EXOC6: variants seen among roughly 807,000 people sequenced by gnomAD.
EXOC6 encodes SEC15-like 1.
A neutral mutation model predicts 112.5 loss-of-function variants in EXOC6; 60 were observed. The observed-to-expected ratio is 0.53, with a 90% CI of 0.43 to 0.66. The LOEUF is 0.66. Ranked by LOEUF, EXOC6 falls within the 30% of genes least tolerant of loss-of-function variation. The pLI is 0.00. For missense variants in EXOC6, 855 were observed against 957.1 expected, an observed-to-expected ratio of 0.89 and a Z score of 1.41; for synonymous variants, 295 against 308.0, an observed-to-expected ratio of 0.96 and a Z score of 0.44.
intron 17 of EXOC6, 150 bp from the exon 18 acceptor site, chr10:92,973,903 C>A: frequency 4.9e-6 from 3 of 615,704 alleles, no homozygotes; most frequent in Admixed American, 3.7e-5. Context: ...TAGAGTACTG[C>A]CAGAAAAAAA....
intron 18 of EXOC6, among the ~76,000 whole-genome samples, chr10:92,987,289 G>A (rs895546398): frequency 2.0e-5 from 3 of 152,080 alleles, no homozygotes; most frequent in African/African-American, 7.2e-5. Context: ...GAACTGATGT[G>A]TTCTAAATTT....
chr10:92,831,356 C>T (rs1261695712), upstream of EXOC6: 1 of 1,287,604 alleles, frequency 7.8e-7, no homozygotes, highest in Non-Finnish European at 1.0e-6. Context: ...CATGCAGTGA[C>T]AGTAAGTCAA....
intron 18 of EXOC6, among the ~76,000 whole-genome samples, chr10:92,981,626 T>G (rs1490746744): frequency 6.6e-6 from 1 of 152,214 alleles, no homozygotes. Context: ...TGTTTTGTCT[T>G]TAAGTATAAT....
intron 4 of EXOC6, 150 bp from the exon 5 acceptor site, chr10:92,899,449 A>AT (rs1850033788): frequency 1.8e-6 from 1 of 569,406 alleles, no homozygotes; most frequent in Non-Finnish European, 3.1e-6. Context: ...TACTTGAAGT[A>AT]TTTAACATTT....
chr10:92,941,591 A>G (rs1239908482), intron 13 of EXOC6, among the ~76,000 whole-genome samples: 2 of 152,300 alleles, frequency 1.3e-5, no homozygotes, highest in African/African-American at 4.8e-5. Flanking sequence ...TTTTCCTAGT[A>G]AATGATTAAA....
intron 1 of EXOC6, among the ~76,000 whole-genome samples, chr10:92,880,835 G>A (rs1378179380): frequency 1.3e-5 from 2 of 152,078 alleles, no homozygotes; most frequent in South Asian, 4.1e-4. Flanking sequence ...CACCAAAAAG[G>A]ACTAGTGCCA....
intron 18 of EXOC6, among the ~76,000 whole-genome samples, chr10:92,976,831 A>C (rs112093473): frequency 1.3e-5 from 2 of 152,242 alleles, no homozygotes; most frequent in African/African-American, 4.8e-5. Context: ...CAGTTGGTTG[A>C]TGAAACATTA....
At chr10:92,896,171 ATATATATATATTTTTT>A (rs1849791971) in intron 4 of EXOC6, among the ~76,000 whole-genome samples, 9 of 25,220 alleles carry the variant, frequency 3.6e-4, no homozygotes, top group Non-Finnish European at 5.6e-4. Flanking sequence ...ATATATATAT[ATATATATATATTTTTT>A]TTTTTTTTTT....
At chr10:93,033,935 C>T (rs575021739) in intron 20 of EXOC6, among the ~76,000 whole-genome samples, 2 of 152,108 alleles carry the variant, frequency 1.3e-5, no homozygotes, top group Non-Finnish European at 2.9e-5. Flanking sequence ...AAGAAAGCCA[C>T]CAAAGTATCT....
chr10:92,945,952 T>C (rs896843628), intron 13 of EXOC6, among the ~76,000 whole-genome samples: 1 of 152,166 alleles, frequency 6.6e-6, no homozygotes, highest in African/African-American at 2.4e-5. Flanking sequence ...GGTTGATTAG[T>C]GGCGCACACC....
At chr10:92,947,758 A>G (rs968223733) in intron 13 of EXOC6, among the ~76,000 whole-genome samples, 5 of 152,158 alleles carry the variant, frequency 3.3e-5, no homozygotes, top group Non-Finnish European at 5.9e-5. Context: ...AAATAAAATT[A>G]GCCAGGCGTG....
At chr10:92,843,953 G>A (rs1846953438), upstream of EXOC6, among the ~76,000 whole-genome samples, 1 of 143,028 alleles carries the variant, frequency 7.0e-6, no homozygotes. Flanking sequence ...CTCCAGCCTG[G>A]GCGACAGAGC....
chr10:92,989,873 C>T (rs1360395808), intron 18 of EXOC6, among the ~76,000 whole-genome samples: 2 of 152,162 alleles, frequency 1.3e-5, no homozygotes, highest in African/African-American at 4.8e-5. Flanking sequence ...ACTTGAATAT[C>T]GAGTATTTTC....
At chr10:92,884,191 G>A (rs985748746) in intron 1 of EXOC6, among the ~76,000 whole-genome samples, 49 of 152,152 alleles carry the variant, frequency 3.2e-4, no homozygotes, top group African/African-American at 1.0e-3. Flanking sequence ...GAGCCACTGT[G>A]CCTGGCCTAA....
At chr10:92,945,554 C>T (rs1210894110) in intron 13 of EXOC6, among the ~76,000 whole-genome samples, 1 of 152,144 alleles carries the variant, frequency 6.6e-6, no homozygotes, top group African/African-American at 2.4e-5. Flanking sequence ...ATAAACAGAT[C>T]ATATTAAGAC....
intron 1 of EXOC6, among the ~76,000 whole-genome samples, chr10:92,882,840 C>T (rs1849033269): frequency 6.6e-6 from 1 of 152,100 alleles, no homozygotes; most frequent in African/African-American, 2.4e-5. Flanking sequence ...GAGGCTGCTC[C>T]ACTGAAAGAT....
upstream of EXOC6, among the ~76,000 whole-genome samples, chr10:92,847,834 CCT>C (rs1491176563): frequency 5.8e-5 from 4 of 69,414 alleles, no homozygotes; most frequent in East Asian, 8.7e-4. Context: ...TCGCCCTGGG[CCT>C]TTTTTTTTTT....
chr10:92,990,447 G>A (rs144627785), intron 18 of EXOC6, among the ~76,000 whole-genome samples: 1 of 152,106 alleles, frequency 6.6e-6, no homozygotes, highest in African/African-American at 2.4e-5. Context: ...GTAATGAAAG[G>A]GCTTTTAAAA....
At chr10:92,955,853 C>A in intron 17 of EXOC6, 139 bp downstream of exon 17, 1 of 714,548 alleles carries the variant, frequency 1.4e-6, no homozygotes. Flanking sequence ...CAACAATGAG[C>A]AAGTAAATGT....
Sources: gnomAD v4.1 joint callset for allele counts (sites outside exome capture counted in the v4.1 genomes callset) on GRCh38, gnomAD v4.1.1 for gene constraint, MANE v1.5 for transcripts, NCBI Gene and HGNC (gene_info 2026-07-23, HGNC 2026-07-21) for gene names.